Variants in ADK observed in about 807,000 individuals in gnomAD.
ADK encodes N6,N6-dimethyladenosine kinase.
In ADK, 24 loss-of-function variants were observed where a neutral mutation model predicts 44.7. The ratio of observed to expected loss-of-function variants is 0.54; its 90% confidence interval spans 0.39 to 0.76. The LOEUF (loss-of-function observed/expected upper bound fraction) is 0.76, where lower values mean the gene tolerates loss of function less well. Ranked by LOEUF, ADK falls within the 30% of genes least tolerant of loss-of-function variation. The pLI, the probability that ADK is intolerant of heterozygous loss-of-function variation, is 0.00. For missense variants in ADK, 321 were observed against 425.1 expected (o/e 0.76, Z 2.15); for synonymous variants, 128 against 142.6 (o/e 0.90, Z 0.73).
At chr10:74,234,177 G>C (rs1208497704) in intron 3 of ADK, among the ~76,000 whole-genome samples, 1 of 152,184 alleles carries the variant, frequency 6.6e-6, no homozygotes, top group Non-Finnish European at 1.5e-5. Context: ...TGAACTTTTA[G>C]TATTTATTAG....
At position 74,598,440 on chromosome 10, in the gene ADK, C is replaced by CTTTTTTTTTTTTT. The variant is rs367982701; in HGVS notation, c.763-1939_763-1938insTTTTTTTTTTTTT. Among the ~76,000 whole-genome samples, 3 of 114,072 alleles carry CTTTTTTTTTTTTT rather than the reference C, an allele frequency of 2.6e-5. 1 individual carries two copies. Among genetic ancestry groups the CTTTTTTTTTTTTT allele is most frequent in the Non-Finnish European group, 3.3e-5 (2 of 59,964 alleles). The allele number at this position is 114,072 out of a possible 152,430, so 74.8% of individuals were successfully genotyped here. On this transcript the variant is annotated intron_variant, in intron 8 of 10. Coordinates refer to ENST00000539909, the MANE Select transcript of ADK (RefSeq NM_006721.4). The stretch of plus-strand genomic sequence containing the variant: ...TAGAAAGCAACCATGGAATCTTATT[C>CTTTTTTTTTTTTT]CTTTTTTTTTTTTTTTTTTTTTTTT...
intron 9 of ADK, among the ~76,000 whole-genome samples, chr10:74,631,931 T>C (rs746375424): frequency 6.6e-5 from 10 of 152,274 alleles, no homozygotes; most frequent in Middle Eastern, 3.4e-3. Context: ...TTTACTTATC[T>C]TTTCTGTATT....
At chr10:74,490,335 T>C (rs1255010950) in intron 6 of ADK, among the ~76,000 whole-genome samples, 1 of 152,124 alleles carries the variant, frequency 6.6e-6, no homozygotes, top group Non-Finnish European at 1.5e-5. Context: ...TAATGTGTTA[T>C]GCAATTAATG....
In ADK at chr10:74,242,846, G is replaced by A. The variant is rs144615525; in HGVS notation, c.194+18255G>A. 2.7e-3 allele frequency among the ~76,000 whole-genome samples: 415 copies of A among 152,210 alleles called. 2 individuals carry two copies. Among genetic ancestry groups the A allele is most frequent in the African/African-American group, 7.7e-3 (318 of 41,522 alleles). On this transcript the variant is annotated intron_variant, in intron 3 of 10. Transcript: ENST00000539909. Reference sequence around the variant, plus strand: ...TCGGGAAAAGAGATGGCTTGACTTCGGGGAAGAGACTACTGCTGTACTTCA... The same window carrying A: ...TCGGGAAAAGAGATGGCTTGACTTCAGGGAAGAGACTACTGCTGTACTTCA...
chr10:74,276,702 G>A (rs1367262020), intron 3 of ADK, among the ~76,000 whole-genome samples: 2 of 152,108 alleles, frequency 1.3e-5, no homozygotes, highest in African/African-American at 2.4e-5. Context: ...GCAGTTGTAG[G>A]ACTGAGGTTC....
chr10:74,404,290 A>T (rs934060759), intron 6 of ADK, among the ~76,000 whole-genome samples: 4 of 151,942 alleles, frequency 2.6e-5, no homozygotes, highest in African/African-American at 9.7e-5. Context: ...ATTTTTGTTT[A>T]AATTGTCAAA....
chr10:74,452,419 T>C (rs1025102780), intron 6 of ADK, among the ~76,000 whole-genome samples: 1 of 151,988 alleles, frequency 6.6e-6, no homozygotes, highest in Non-Finnish European at 1.5e-5. Flanking sequence ...TGGGAAGAAA[T>C]GAGATTAAGC....
chr10:74,303,435 C>T (rs1240789945), intron 3 of ADK, among the ~76,000 whole-genome samples: 1 of 151,958 alleles, frequency 6.6e-6, no homozygotes, highest in East Asian at 1.9e-4. Flanking sequence ...TCAGGCTATT[C>T]TTTAATATGG....
intron 6 of ADK, among the ~76,000 whole-genome samples, chr10:74,511,030 T>C (rs1387281455): frequency 3.3e-5 from 5 of 152,208 alleles, no homozygotes; most frequent in Non-Finnish European, 7.3e-5. Flanking sequence ...TTTGAGTTGA[T>C]TTTTGCATGC....
At chr10:74,384,477 C>T (rs1343157867) in intron 4 of ADK, among the ~76,000 whole-genome samples, 4 of 152,116 alleles carry the variant, frequency 2.6e-5, no homozygotes, top group African/African-American at 9.7e-5. Flanking sequence ...CAAGACCAGC[C>T]TGGCCAACAT....
chr10:74,666,110 G>A (rs893782479), intron 9 of ADK, among the ~76,000 whole-genome samples: 2 of 152,182 alleles, frequency 1.3e-5, no homozygotes, highest in South Asian at 4.1e-4. Context: ...TGTGGCAATT[G>A]TAGAAACTTA....
chr10:74,243,443 A>C (rs185764031), intron 3 of ADK, among the ~76,000 whole-genome samples: 8 of 152,258 alleles, frequency 5.3e-5, no homozygotes, highest in African/African-American at 1.7e-4. Context: ...TTTTGTTTTC[A>C]GTTTGTTTAT....
chr10:74,375,244 T>C (rs764041684), intron 4 of ADK, among the ~76,000 whole-genome samples: 1 of 152,164 alleles, frequency 6.6e-6, no homozygotes, highest in Non-Finnish European at 1.5e-5. Flanking sequence ...TTTTAAAAAA[T>C]GATGCATTAC....
chr10:74,193,600 CAG>C (rs1843026239), intron 1 of ADK, among the ~76,000 whole-genome samples: 1 of 152,160 alleles, frequency 6.6e-6, no homozygotes, highest in South Asian at 2.1e-4. Flanking sequence ...GCCTGGGCAA[CAG>C]AGGGAGACCC....
At chr10:74,254,606 G>GT (rs1308422304) in intron 3 of ADK, among the ~76,000 whole-genome samples, 3 of 150,574 alleles carry the variant, frequency 2.0e-5, no homozygotes, top group Non-Finnish European at 4.4e-5. Flanking sequence ...AAAGTTGACA[G>GT]TTAAAAAAAA....
rs56052959 is a variant in ADK at position 74,312,914 on chromosome 10, C to CAAAAAAAAAAAAAA, written c.195-1740_195-1727dup. ...GGATGAAAAAGGAAGATTCTGTCTC[C>CAAAAAAAAAAAAAA]AAAAAAAAAAAAAAAAAAAAAAAAA... On this transcript the variant is annotated intron_variant, in intron 3 of 10. Coordinates refer to ENST00000539909, the MANE Select transcript of ADK (RefSeq NM_006721.4). Among the ~76,000 whole-genome samples the CAAAAAAAAAAAAAA allele has an allele frequency of 1.2e-3, 47 of 37,834 alleles. 6 individuals carry two copies. Among genetic ancestry groups the CAAAAAAAAAAAAAA allele is most frequent in the African/African-American group, 3.5e-3 (36 of 10,214 alleles). 24.8% of individuals were successfully genotyped at this position (37,834 alleles called of 152,430 possible).
chr10:74,397,335 T>C (rs1261943746), intron 5 of ADK, among the ~76,000 whole-genome samples: 1 of 151,882 alleles, frequency 6.6e-6, no homozygotes, highest in Non-Finnish European at 1.5e-5. Context: ...TCGAACATAT[T>C]ACCAAAGTCT....
intron 3 of ADK, among the ~76,000 whole-genome samples, chr10:74,310,155 A>T (rs1037714844): frequency 6.6e-6 from 1 of 152,180 alleles, no homozygotes; most frequent in East Asian, 1.9e-4. Context: ...CACCCCGTTC[A>T]GACAAAGAAT....
intron 7 of ADK, among the ~76,000 whole-genome samples, chr10:74,544,170 C>T (rs975582262): frequency 6.6e-6 from 1 of 152,160 alleles, no homozygotes; most frequent in African/African-American, 2.4e-5. Context: ...GTTTCTTTTA[C>T]ACTAGAATGT....
Sources: allele counts gnomAD v4.1 joint callset (sites outside exome capture counted in the v4.1 genomes callset), GRCh38; gene constraint gnomAD v4.1.1; transcripts MANE v1.5; gene names NCBI Gene and HGNC (gene_info 2026-07-23, HGNC 2026-07-21).